Variants in DAB2IP observed in about 807,000 individuals in gnomAD.
The protein encoded by DAB2IP is DAB2 interacting protein, also known as disabled homolog 2-interacting protein.
In DAB2IP, 28 loss-of-function variants were observed where a neutral mutation model predicts 107.2. The observed-to-expected ratio is 0.26, with a 90% confidence interval of 0.19 to 0.36. DAB2IP has a LOEUF of 0.36. Among genes scored for constraint, DAB2IP ranks in the 10% least tolerant of loss-of-function variants. DAB2IP has a pLI of 1.00. For missense variants in DAB2IP, 1,400 were observed against 1,644.7 expected (o/e 0.85, Z 2.57); for synonymous variants, 755 against 706.4 (o/e 1.07, Z -1.09).
chr9:121,612,816 C>T (rs193186911), intron 1 of DAB2IP, among the ~76,000 whole-genome samples: 2,121 of 152,258 alleles, frequency 0.014, 22 homozygotes, highest in Non-Finnish European at 0.02. Flanking sequence ...AAGGCTAGAG[C>T]CAGGCCCAGG....
At chr9:121,646,074 C>T (rs183858291) in intron 1 of DAB2IP, among the ~76,000 whole-genome samples, 4 of 152,278 alleles carry the variant, frequency 2.6e-5, no homozygotes, top group Admixed American at 2.0e-4. Flanking sequence ...TCACACTCCC[C>T]GAGGCTCTGT....
chr9:121,677,585 C>G (rs1828328884), intron 1 of DAB2IP, among the ~76,000 whole-genome samples: 1 of 152,138 alleles, frequency 6.6e-6, no homozygotes, highest in Non-Finnish European at 1.5e-5. Flanking sequence ...GGAGATGGCT[C>G]AGTTATCTGT....
At chr9:121,571,774 G>A (rs1829948113) in intron 1 of DAB2IP, among the ~76,000 whole-genome samples, 1 of 152,074 alleles carries the variant, frequency 6.6e-6, no homozygotes, top group Admixed American at 6.5e-5. Context: ...AGCCCTATTG[G>A]GTGGTCTGGC....
chr9:121,641,860 CTTTT>C (rs1362318929), intron 1 of DAB2IP, among the ~76,000 whole-genome samples: 7 of 144,338 alleles, frequency 4.8e-5, no homozygotes, highest in Non-Finnish European at 9.0e-5. Flanking sequence ...TTCTTTCTTT[CTTTT>C]CTTTCTTTCT....
intron 3 of DAB2IP, among the ~76,000 whole-genome samples, chr9:121,743,671 C>T (rs1328157437): frequency 6.6e-6 from 1 of 152,214 alleles, no homozygotes; most frequent in African/African-American, 2.4e-5. Flanking sequence ...GAAGGCTCGC[C>T]CGGCCACTCG....
intron 14 of DAB2IP, 24 bp from the exon 15 acceptor site, chr9:121,781,440 G>T: frequency 1.2e-6 from 2 of 1,613,054 alleles, no homozygotes; most frequent in South Asian, 2.2e-5. Context: ...GGGCCAGTCT[G>T]ACTGTCTCTG....
At chr9:121,623,420 G>A (rs1233381553) in intron 1 of DAB2IP, among the ~76,000 whole-genome samples, 2 of 152,152 alleles carry the variant, frequency 1.3e-5, no homozygotes, top group African/African-American at 2.4e-5. Context: ...AGGCTGGAGT[G>A]CAATGGTATG....
At chr9:121,580,973 C>A (rs886796911) in intron 1 of DAB2IP, among the ~76,000 whole-genome samples, 2 of 152,186 alleles carry the variant, frequency 1.3e-5, no homozygotes, top group Admixed American at 6.5e-5. Flanking sequence ...CCCCAAAATC[C>A]AGGTGCGCAG....
intron 1 of DAB2IP, among the ~76,000 whole-genome samples, chr9:121,665,379 A>G (rs1210466839): frequency 2.6e-5 from 4 of 152,316 alleles, no homozygotes; most frequent in East Asian, 1.9e-4. Context: ...AAAGTGCAGA[A>G]CATTACTAAG....
chr9:121,693,916 C>G (rs559354039), intron 2 of DAB2IP, among the ~76,000 whole-genome samples: 1 of 152,156 alleles, frequency 6.6e-6, no homozygotes, highest in Admixed American at 6.5e-5. Context: ...GTGGGGCTCC[C>G]GGGTGTCCAG....
intron 1 of DAB2IP, among the ~76,000 whole-genome samples, chr9:121,656,746 GAAC>G (rs1832987557): frequency 6.6e-6 from 1 of 152,210 alleles, no homozygotes; most frequent in South Asian, 2.1e-4. Context: ...GCAGTGTTCA[GAAC>G]AACACTGTGA....
At chr9:121,682,732 G>A (rs1828659227) in intron 2 of DAB2IP, among the ~76,000 whole-genome samples, 1 of 152,226 alleles carries the variant, frequency 6.6e-6, no homozygotes, top group Admixed American at 6.5e-5. Flanking sequence ...TTCTGGTGCA[G>A]TAGCTAAGAG....
At chr9:121,783,161 C>T (rs1835782121) in exon 16 of DAB2IP, 1 of 1,090,022 alleles carries the variant, frequency 9.2e-7, no homozygotes, top group Non-Finnish European at 1.1e-6. Flanking sequence ...CCCAGAGCAC[C>T]ACCTGCTACC....
At position 121,614,795 on chromosome 9, in the gene DAB2IP, G is replaced by A. The variant is rs184095383; in HGVS notation, c.40+47567G>A. On this transcript the variant is annotated intron_variant, in intron 1 of 16. Coordinates refer to the DAB2IP transcript ENST00000259371. Reference sequence around the variant, plus strand: ...ATTGTCCAGGCTGGAGTGCAGTGTTGCGATCTTGGCTCACAGCAACCTCTG... The same window carrying A: ...ATTGTCCAGGCTGGAGTGCAGTGTTACGATCTTGGCTCACAGCAACCTCTG... Among the ~76,000 whole-genome samples the A allele has an allele frequency of 3.0e-3, 431 of 143,332 alleles. 4 individuals carry two copies. Among genetic ancestry groups the A allele is most frequent in the African/African-American group, 0.011 (404 of 38,294 alleles). The allele number at this position is 143,332 out of a possible 152,430, so 94.0% of individuals were successfully genotyped here.
At position 121,599,535 on chromosome 9, in the gene DAB2IP, C is replaced by T. The variant is rs1375455784; in HGVS notation, c.40+32307C>T. On this transcript the variant is annotated intron_variant, in intron 1 of 16. Coordinates refer to the DAB2IP transcript ENST00000259371. This position sits in a 1 kb window ranked among gnomAD's most constrained non-coding sequence, Gnocchi z 6.9. Reference sequence around the variant, plus strand: ...CCGGGTGGCCGCGGGAGCCCGGGAGCCGTAGAGCGGCGGCGCCGGGGGAGG... The same window carrying T: ...CCGGGTGGCCGCGGGAGCCCGGGAGTCGTAGAGCGGCGGCGCCGGGGGAGG... 6.6e-6 allele frequency among the ~76,000 whole-genome samples: 1 copy of T among 151,862 alleles called. No individual in the cohort carries two copies. The highest frequency in any genetic ancestry group is 1.5e-5 in the Non-Finnish European group (1 of 67,930).
chr9:121,679,830 C>T (rs536213341), intron 2 of DAB2IP, among the ~76,000 whole-genome samples: 12 of 151,258 alleles, frequency 7.9e-5, no homozygotes, highest in Admixed American at 4.6e-4. Context: ...TTGAAGGGTC[C>T]GTAGAAAATG....
intron 3 of DAB2IP, among the ~76,000 whole-genome samples, chr9:121,700,879 C>T (rs781681899): frequency 1.3e-5 from 2 of 152,146 alleles, no homozygotes; most frequent in African/African-American, 2.4e-5. Context: ...GGGGACCAGG[C>T]GTGCCCTGGC....
At chr9:121,673,780 C>G (rs1833778559) in intron 1 of DAB2IP, among the ~76,000 whole-genome samples, 1 of 152,024 alleles carries the variant, frequency 6.6e-6, no homozygotes, top group East Asian at 1.9e-4. Context: ...CAGGAGAGAG[C>G]CTGGCCTGGC....
intron 1 of DAB2IP, among the ~76,000 whole-genome samples, chr9:121,615,576 G>A (rs1413856922): frequency 6.6e-6 from 1 of 151,918 alleles, no homozygotes; most frequent in Non-Finnish European, 1.5e-5. Flanking sequence ...AAGGCTGGGT[G>A]GCAAGGAAGG....
Sources: gnomAD v4.1 joint callset for allele counts (sites outside exome capture counted in the v4.1 genomes callset) on GRCh38, gnomAD v4.1.1 for gene constraint, Gnocchi (gnomAD v3.1) non-coding constraint, MANE v1.5 for transcripts, NCBI Gene and HGNC (gene_info 2026-07-23, HGNC 2026-07-21) for gene names.